The following GLIS3 variants were observed in gnomAD, a reference collection of about 807,000 sequenced individuals.
GLIS3 encodes the protein GLIS family zinc finger 3.
In GLIS3, 53 loss-of-function variants were observed where a neutral mutation model predicts 78.6. The observed-to-expected ratio is 0.67, with a 90% confidence interval of 0.54 to 0.85. The LOEUF is 0.85. Among genes scored for constraint, GLIS3 ranks in the 40% least tolerant of loss-of-function variants. The pLI is 0.00. For synonymous variants in GLIS3, 684 were observed against 509.9 expected, an observed-to-expected ratio of 1.34 and a Z score of -4.60; for missense variants, 1,703 against 1,231.1, an observed-to-expected ratio of 1.38 and a Z score of -5.74.
At chr9:4,489,507 G>GT in the GLIS3 span, among the ~76,000 whole-genome samples, 1 of 152,290 alleles carries the variant, frequency 6.6e-6, no homozygotes, top group South Asian at 2.1e-4. Flanking sequence ...AGCTGCGGAG[G>GT]TACTGATTTG....
chr9:4,312,035 C>T (rs554907214), intron 2 of GLIS3, among the ~76,000 whole-genome samples: 7 of 152,196 alleles, frequency 4.6e-5, no homozygotes, highest in Admixed American at 6.5e-5. Context: ...CTACTGGGTA[C>T]GAGGCTTAGA....
chr9:4,275,264 GA>G (rs903263876), intron 2 of GLIS3, among the ~76,000 whole-genome samples: 12 of 151,988 alleles, frequency 7.9e-5, no homozygotes, highest in African/African-American at 2.9e-4. Flanking sequence ...TAAAATTTTC[GA>G]AAAAAGGAGT....
chr9:3,865,398 C>G (rs1281653693), intron 8 of GLIS3, among the ~76,000 whole-genome samples: 1 of 152,198 alleles, frequency 6.6e-6, no homozygotes, highest in Admixed American at 6.5e-5. Context: ...AATCCTTTGA[C>G]CAGCCTATTC....
Position 4,283,417 on chromosome 9 carries a change from C to G in GLIS3, c.388+2621G>C, listed in dbSNP as rs182448359. Among the ~76,000 whole-genome samples, 10 of 152,218 alleles carry G rather than the reference C, an allele frequency of 6.6e-5. No homozygotes were observed. The South Asian group carries it at 1.0e-3, about 16-fold the overall frequency. On this transcript the variant is annotated intron_variant, in intron 2 of 10. Coordinates refer to ENST00000381971, the MANE Select transcript of GLIS3 (RefSeq NM_001042413.2). ...AGTAGCTGGGATTACAGGCGCCCACCACCACACCCGGCTCATTTTTGTATT... is the reference window on the plus strand; with the variant it reads ...AGTAGCTGGGATTACAGGCGCCCACGACCACACCCGGCTCATTTTTGTATT...
rs143631826 is a variant in GLIS3 at position 4,017,756 on chromosome 9, A to G, written c.1711-80567T>C. ...AATGTGCAGGGGATATACCCCTCCT[A>G]AAAATACATGCTTCCAAAGTGGTAG... On this transcript the variant is annotated intron_variant, in intron 4 of 10. Coordinates refer to ENST00000381971, the MANE Select transcript of GLIS3 (RefSeq NM_001042413.2). 6.2e-3 allele frequency among the ~76,000 whole-genome samples: 942 copies of G among 152,320 alleles called. 13 individuals are homozygous for G. Among genetic ancestry groups the G allele is most frequent in the African/African-American group, 0.022 (915 of 41,572 alleles).
chr9:4,010,950 C>T (rs1470387610), intron 4 of GLIS3, among the ~76,000 whole-genome samples: 2 of 152,016 alleles, frequency 1.3e-5, no homozygotes, highest in Non-Finnish European at 2.9e-5. Flanking sequence ...TATGGATGTA[C>T]TTAGAGTAGA....
intron 5 of GLIS3, among the ~76,000 whole-genome samples, chr9:3,933,332 C>T (rs939311413): frequency 3.9e-5 from 6 of 152,128 alleles, no homozygotes; most frequent in African/African-American, 9.7e-5. Flanking sequence ...TGTGCCACCA[C>T]GCCCAGCACT....
At chr9:4,080,868 C>A (rs552098788) in intron 4 of GLIS3, among the ~76,000 whole-genome samples, 1 of 152,136 alleles carries the variant, frequency 6.6e-6, no homozygotes, top group Admixed American at 6.5e-5. Context: ...TCATCTTGAC[C>A]CCCGGGCGTA....
intron 2 of GLIS3, among the ~76,000 whole-genome samples, chr9:4,159,473 C>T (rs1430856061): frequency 6.6e-6 from 1 of 152,176 alleles, no homozygotes; most frequent in Non-Finnish European, 1.5e-5. Context: ...AATCCCAGCA[C>T]TTTAGGAGCC....
intron 2 of GLIS3, among the ~76,000 whole-genome samples, chr9:4,191,675 G>A (rs1341137192): frequency 6.6e-6 from 1 of 152,068 alleles, no homozygotes; most frequent in Non-Finnish European, 1.5e-5. Context: ...CAGTTAGAAA[G>A]CATTTTAATA....
chr9:4,260,198 C>T (rs1267300732), intron 2 of GLIS3, among the ~76,000 whole-genome samples: 10 of 152,148 alleles, frequency 6.6e-5, no homozygotes, highest in South Asian at 2.1e-4. Flanking sequence ...TTTGGGAGGC[C>T]GAGGCAGGCG....
chr9:4,284,913 C>T (rs750081782), intron 2 of GLIS3, among the ~76,000 whole-genome samples: 11 of 151,882 alleles, frequency 7.2e-5, no homozygotes, highest in African/African-American at 2.4e-4. Flanking sequence ...AGTGATACCC[C>T]GTCTCAAAAA....
At chr9:3,922,782 G>C (rs997949663) in intron 6 of GLIS3, among the ~76,000 whole-genome samples, 1 of 152,114 alleles carries the variant, frequency 6.6e-6, no homozygotes, top group Non-Finnish European at 1.5e-5. Flanking sequence ...AATGGAGAAA[G>C]AGATGCATAT....
intron 2 of GLIS3, among the ~76,000 whole-genome samples, chr9:4,142,017 C>G (rs1027447605): frequency 6.6e-6 from 1 of 152,160 alleles, no homozygotes; most frequent in Non-Finnish European, 1.5e-5. Flanking sequence ...AGATGCGAAT[C>G]CAGACACGGT....
At chr9:4,366,713 G>A in the GLIS3 span, among the ~76,000 whole-genome samples, 6 of 152,216 alleles carry the variant, frequency 3.9e-5, no homozygotes, top group Admixed American at 3.9e-4. Context: ...GCTGGCTGGA[G>A]GCTCCAGGCC....
At chr9:4,451,436 T>A in the GLIS3 span, among the ~76,000 whole-genome samples, 1 of 152,274 alleles carries the variant, frequency 6.6e-6, no homozygotes, top group East Asian at 1.9e-4. Flanking sequence ...ATTAGACAGA[T>A]CAACAAGACA....
At chr9:3,973,133 G>C (rs1410071857) in intron 4 of GLIS3, among the ~76,000 whole-genome samples, 1 of 152,156 alleles carries the variant, frequency 6.6e-6, no homozygotes, top group African/African-American at 2.4e-5. Flanking sequence ...AAAGGGAAGA[G>C]ATGCATAGGG....
chr9:4,037,606 A>G, intron 4 of GLIS3, among the ~76,000 whole-genome samples: 1 of 149,952 alleles, frequency 6.7e-6, no homozygotes, highest in Admixed American at 6.8e-5. Context: ...TCCTGGGGGA[A>G]CTTTCACAGG....
At chr9:4,451,683 G>A in the GLIS3 span, among the ~76,000 whole-genome samples, 1 of 152,190 alleles carries the variant, frequency 6.6e-6, no homozygotes, top group East Asian at 1.9e-4. Context: ...TAGAACCCAG[G>A]ATAAAGAAAC....
Sources: allele counts gnomAD v4.1 joint callset (sites outside exome capture counted in the v4.1 genomes callset), GRCh38; gene constraint gnomAD v4.1.1; transcripts MANE v1.5; gene names NCBI Gene and HGNC (gene_info 2026-07-23, HGNC 2026-07-21).